TNFRSF14: variants seen among roughly 807,000 people sequenced by gnomAD.
TNFRSF14 encodes TNF receptor superfamily member 14.
In TNFRSF14, 18 loss-of-function variants were observed where a neutral mutation model predicts 34.1. That is an observed-to-expected ratio of 0.53 (90% CI 0.36 to 0.78). TNFRSF14 has a LOEUF of 0.78. Among genes scored for constraint, TNFRSF14 ranks in the 30% least tolerant of loss-of-function variants. The probability of loss-of-function intolerance (pLI) is 0.00; values close to 1 mark genes in which losing one functional copy is unlikely to be tolerated. For synonymous variants in TNFRSF14, 157 were observed against 153.2 expected, an observed-to-expected ratio of 1.02 and a Z score of -0.18; for missense variants, 352 against 379.5, an observed-to-expected ratio of 0.93 and a Z score of 0.60.
chr1:2,557,414 T>G (rs1644232838), intron 1 of TNFRSF14, among the ~76,000 whole-genome samples: 1 of 152,182 alleles, frequency 6.6e-6, no homozygotes, highest in Non-Finnish European at 1.5e-5. Context: ...GCAGGTTGTC[T>G]GCCCAGTGGG....
Position 2,563,284 on chromosome 1 carries a change from C to G in TNFRSF14, c.*11C>G. 6.2e-7 allele frequency: 1 copy of G among 1,612,084 alleles called. No individual in the cohort carries two copies. Among genetic ancestry groups the G allele is most frequent in the Non-Finnish European group, 8.5e-7 (1 of 1,178,910 alleles). ...AGCCCAAACCACTGACCCACAGACT[C>G]TGCACCCCGACGCCAGAGATACCTG... On this transcript the variant is annotated 3_prime_UTR_variant, in exon 8 of 8. Transcript: ENST00000355716.
intron 2 of TNFRSF14, 64 bp downstream of exon 2, chr1:2,557,898 G>A: frequency 7.5e-7 from 1 of 1,339,410 alleles, no homozygotes; most frequent in Non-Finnish European, 1.0e-6. Flanking sequence ...GCCCCCTTCT[G>A]CCCCAGACAC....
intron 3 of TNFRSF14, chr1:2,558,875 C>G: frequency 7.5e-7 from 1 of 1,333,612 alleles, no homozygotes; most frequent in Non-Finnish European, 9.8e-7. Context: ...TCCCTTTCTC[C>G]TCCAGATATT....
rs1040720623 is a variant in TNFRSF14 at position 2,556,852 on chromosome 1, G to T, written c.69+119G>T. The T allele has an allele frequency of 9.6e-6, 10 of 1,038,366 alleles. 1 individual carries two copies. In the South Asian group the frequency reaches 1.5e-4, roughly 16 times the overall value. 64.3% of individuals were successfully genotyped at this position (1,038,366 alleles called of 1,614,324 possible). A position where few individuals can be genotyped will look rare whatever the true frequency, so the allele number is the denominator to read the frequency against. The stretch of plus-strand genomic sequence containing the variant: ...CGTTGCTGGCTCCGGCGTCCAGCCC[G>T]TCCCCTGCTGCCTGGGGCTCTCGGG... On this transcript the variant is annotated intron_variant, in intron 1 of 7. Transcript: ENST00000355716.
rs1273169647 is a variant in TNFRSF14, at chr1:2,556,608, T to C, written c.-57T>C. ...AGCCGCAGCAATGGCGCTGAGTTCC[T>C]CTGCTGGAGTTCATCCTGCTAGCTG... On this transcript the variant is annotated 5_prime_UTR_variant, in exon 1 of 8. Transcript: ENST00000355716. 5 of 1,535,104 alleles carry C rather than the reference T, an allele frequency of 3.3e-6. No individual in the cohort carries two copies. Among genetic ancestry groups the C allele is most frequent in the Admixed American group, 1.8e-5 (1 of 55,492 alleles).
Position 2,558,467 on chromosome 1 carries a change from A to C in TNFRSF14, c.303A>C (p.Pro101=), listed in dbSNP as rs1322787445. ...SKCLQCQMCD[P]AMGLRASRNC... is the part of the protein sequence containing the mutation. ...GTCTGCAGTGCCAAATGTGTGACCC[A>C]GGTAAGAGGCCAGCACAGCCGGCCC... The change falls in exon 3 of 8, where the codon CCA becomes CCC. Residue 101 remains proline, a splice_region_variant and synonymous_variant. Transcript: ENST00000355716. The C allele has an allele frequency of 6.2e-7, 1 of 1,613,022 alleles. No individual in the cohort carries two copies. The highest frequency in any genetic ancestry group is 1.1e-5 in the South Asian group (1 of 91,058).
At position 2,561,400 on chromosome 1, in the gene TNFRSF14, C is replaced by G; in HGVS notation, c.552-273C>G. ...GGTCTCTGCACTGCTGGCTGCCTCC[C>G]GCTTCTCTCCCCTCTCCCTCTGCCG... On this transcript the variant is annotated intron_variant, in intron 5 of 7. Coordinates refer to ENST00000355716, the MANE Select transcript of TNFRSF14 (RefSeq NM_003820.4). The surrounding 1 kb of genome is among the most constrained non-coding windows in gnomAD (Gnocchi z 6.0). 4.6e-6 allele frequency: 6 copies of G among 1,301,832 alleles called. No homozygotes were observed. Among genetic ancestry groups the G allele is most frequent in the Non-Finnish European group, 6.2e-6 (6 of 961,450 alleles). 80.6% of individuals were successfully genotyped at this position (1,301,832 alleles called of 1,614,324 possible). A position where few individuals can be genotyped will look rare whatever the true frequency, so the allele number is the denominator to read the frequency against.
At position 2,561,914 on chromosome 1, in the gene TNFRSF14, G is replaced by T. The variant is rs1644315922; in HGVS notation, c.694+99G>T. 16 of 1,349,500 alleles carry T rather than the reference G, an allele frequency of 1.2e-5. No homozygotes were observed. The highest frequency in any genetic ancestry group is 1.5e-5 in the Non-Finnish European group (15 of 982,042). 83.6% of individuals were successfully genotyped at this position (1,349,500 alleles called of 1,614,324 possible). On this transcript the variant is annotated intron_variant, in intron 6 of 7. Transcript: ENST00000355716. The surrounding 1 kb of genome is among the most constrained non-coding windows in gnomAD (Gnocchi z 6.0). Reference sequence around the variant, plus strand: ...GGGAGGTGGCCCCAGAGCTTTTCCAGGATCCGCGGCTCCTCCCAGGGCAGC... The same window carrying T: ...GGGAGGTGGCCCCAGAGCTTTTCCATGATCCGCGGCTCCTCCCAGGGCAGC...
At position 2,561,561 on chromosome 1, in the gene TNFRSF14, TG is replaced by T. The variant is rs776403265; in HGVS notation, c.552-109del. 2.5e-6 allele frequency: 4 copies of T among 1,582,978 alleles called. No homozygotes were observed. In the South Asian group the frequency reaches 4.5e-5, roughly 18 times the overall value. ...GGAGCTGCCACCAGCCCAGCCTCCC[TG>T]GGACCTGTCTTCACTGCCTGGGGCC... On this transcript the variant is annotated intron_variant, in intron 5 of 7. Coordinates refer to ENST00000355716, the MANE Select transcript of TNFRSF14 (RefSeq NM_003820.4). This position sits in a 1 kb window ranked among gnomAD's most constrained non-coding sequence, Gnocchi z 6.0.
At chr1:2,556,814 C>A in intron 1 of TNFRSF14, 81 bp downstream of exon 1, 4 of 1,391,832 alleles carry the variant, frequency 2.9e-6, no homozygotes, top group Non-Finnish European at 3.9e-6. Context: ...CTTCCCCATG[C>A]CCCTGTCCTG....
chr1:2,556,330 T>C, upstream of TNFRSF14: 1 of 608,314 alleles, frequency 1.6e-6, no homozygotes, highest in Non-Finnish European at 3.1e-6. Flanking sequence ...ACTGGAATGG[T>C]GCAGGGGGAG....
At chr1:2,562,923 C>T in intron 7 of TNFRSF14, 27 bp downstream of exon 7, 3 of 1,579,018 alleles carry the variant, frequency 1.9e-6, no homozygotes, top group Non-Finnish European at 2.6e-6. Flanking sequence ...CCCTCTCCCT[C>T]CCCCCTCCAC....
rs1197538071 is a variant in TNFRSF14 at position 2,561,867 on chromosome 1, G to C, written c.694+52G>C. 6.3e-7 allele frequency: 1 copy of C among 1,575,510 alleles called. No homozygotes were observed. The highest frequency in any genetic ancestry group is 8.7e-7 in the Non-Finnish European group (1 of 1,155,332). ...CTCATGTCCCCAGCCGTCACCTCTTGGAGCTCTGTCACCCCAAGCCTGGGA... is the reference window on the plus strand; with the variant it reads ...CTCATGTCCCCAGCCGTCACCTCTTCGAGCTCTGTCACCCCAAGCCTGGGA... On this transcript the variant is annotated intron_variant, in intron 6 of 7. Coordinates refer to ENST00000355716, the MANE Select transcript of TNFRSF14 (RefSeq NM_003820.4). This position sits in a 1 kb window ranked among gnomAD's most constrained non-coding sequence, Gnocchi z 6.0.
intron 3 of TNFRSF14, 164 bp downstream of exon 3, chr1:2,558,632 G>A: frequency 1.5e-6 from 2 of 1,377,112 alleles, no homozygotes; most frequent in Middle Eastern, 2.6e-4. Flanking sequence ...GACGCCTTGA[G>A]GTCAGCCTCC....
intron 4 of TNFRSF14, among the ~76,000 whole-genome samples, chr1:2,560,325 G>A (rs1029090107): frequency 8.5e-5 from 13 of 152,136 alleles, no homozygotes; most frequent in African/African-American, 3.1e-4. Context: ...AGTCTAGGAG[G>A]AGTAAGTGTC....
At chr1:2,559,446 G>A (rs1490330652) in intron 3 of TNFRSF14, 1 of 1,410,108 alleles carries the variant, frequency 7.1e-7, no homozygotes, top group South Asian at 1.2e-5. Context: ...TGCACAGATG[G>A]GAAACCCGTT....
At chr1:2,559,403 C>T (rs1403755068) in intron 3 of TNFRSF14, 3 of 1,384,130 alleles carry the variant, frequency 2.2e-6, no homozygotes, top group East Asian at 3.4e-5. Flanking sequence ...GGGCTCTCAC[C>T]CTACCTGCCT....
At chr1:2,559,513 C>T in intron 3 of TNFRSF14, 1 of 1,484,776 alleles carries the variant, frequency 6.7e-7, no homozygotes, top group East Asian at 2.7e-5. Context: ...CGGGACCCTG[C>T]CCTGGAACTG....
chr1:2,558,864 G>T (rs1430244958), intron 3 of TNFRSF14: 2 of 1,329,498 alleles, frequency 1.5e-6, no homozygotes, highest in Non-Finnish European at 2.0e-6. Flanking sequence ...AGGGCTTCTT[G>T]TCCCTTTCTC....
Sources: gnomAD v4.1 joint callset for allele counts (sites outside exome capture counted in the v4.1 genomes callset) on GRCh38, gnomAD v4.1.1 for gene constraint, Gnocchi (gnomAD v3.1) non-coding constraint, MANE v1.5 for transcripts, NCBI Gene and HGNC (gene_info 2026-07-23, HGNC 2026-07-21) for gene names.